GPR39: variants seen among roughly 807,000 people sequenced by gnomAD.
The protein encoded by GPR39 is zinc sensing receptor.
In GPR39, 23 loss-of-function variants were observed where a neutral mutation model predicts 18.4. The observed-to-expected ratio is 1.25, with a 90% CI of 0.90 to 1.77. The LOEUF (loss-of-function observed/expected upper bound fraction) is 1.77. Among genes scored for constraint, GPR39 ranks in the 40% most tolerant of loss-of-function variants. GPR39 has a pLI of 0.00. For synonymous variants in GPR39, 280 were observed against 257.9 expected (o/e 1.09, Z -0.82); for missense variants, 647 against 602.4 (o/e 1.07, Z -0.78).
rs1681438182 is a variant in GPR39 at position 132,490,599 on chromosome 2, T to G, written c.856+72701T>G. ...CTAGAGCATGCCGATCGCTGGTGAA[T>G]GCTACAAAGAACAAGCATTAAGTGA... On this transcript the variant is annotated intron_variant, in intron 1 of 1. Transcript: ENST00000329321. Among the ~76,000 whole-genome samples, 3 of 151,998 alleles carry G rather than the reference T, an allele frequency of 2.0e-5. No individual in the cohort carries two copies. The South Asian group carries it at 6.2e-4, about 31-fold the overall frequency.
At chr2:132,447,918 C>T (rs915986511) in intron 1 of GPR39, among the ~76,000 whole-genome samples, 3 of 152,102 alleles carry the variant, frequency 2.0e-5, no homozygotes. Context: ...AGGAAGAAAA[C>T]CACCTTGACA....
chr2:132,492,313 CAT>C (rs1291342497), intron 1 of GPR39, among the ~76,000 whole-genome samples: 2 of 134,018 alleles, frequency 1.5e-5, no homozygotes, highest in African/African-American at 2.9e-5. Context: ...ATATATATAC[CAT>C]ATATATACAT....
chr2:132,516,979 A>G (rs1371343914), intron 1 of GPR39, among the ~76,000 whole-genome samples: 3 of 152,258 alleles, frequency 2.0e-5, no homozygotes, highest in Admixed American at 6.5e-5. Context: ...TAATAGCAAA[A>G]GATTAAAAAT....
chr2:132,494,992 TA>T (rs1040750530), intron 1 of GPR39, among the ~76,000 whole-genome samples: 1 of 152,072 alleles, frequency 6.6e-6, no homozygotes, highest in Admixed American at 6.5e-5. Flanking sequence ...CCTGAGGGGA[TA>T]GGGGAAGTGG....
chr2:132,543,665 T>C (rs1017241544), intron 1 of GPR39, among the ~76,000 whole-genome samples: 1 of 152,150 alleles, frequency 6.6e-6, no homozygotes, highest in Non-Finnish European at 1.5e-5. Context: ...GCCACATTAG[T>C]ATTATCATAA....
chr2:132,538,936 C>T (rs3109128), intron 1 of GPR39, among the ~76,000 whole-genome samples: 53,515 of 151,932 alleles, frequency 0.35, 10,205 homozygotes, highest in African/African-American at 0.5. Context: ...CATCCCAGTC[C>T]GACTCCAGAC....
At chr2:132,453,786 G>T (rs1251605576) in intron 1 of GPR39, among the ~76,000 whole-genome samples, 1 of 152,158 alleles carries the variant, frequency 6.6e-6, no homozygotes, top group Non-Finnish European at 1.5e-5. Flanking sequence ...AGATCAGATG[G>T]TTGTAGATAT....
chr2:132,561,749 T>G (rs1680257412), intron 1 of GPR39, among the ~76,000 whole-genome samples: 1 of 152,006 alleles, frequency 6.6e-6, no homozygotes, highest in Non-Finnish European at 1.5e-5. Flanking sequence ...AAGCTGACGG[T>G]ATAAGTTCCA....
intron 1 of GPR39, among the ~76,000 whole-genome samples, chr2:132,557,189 G>GCAC (rs1680168731): frequency 6.6e-6 from 1 of 152,024 alleles, no homozygotes; most frequent in Non-Finnish European, 1.5e-5. Context: ...CATATTGGTG[G>GCAC]GCACCTGTAA....
chr2:132,572,631 T>A (rs1367416234), intron 1 of GPR39, among the ~76,000 whole-genome samples: 1 of 152,038 alleles, frequency 6.6e-6, no homozygotes, highest in Non-Finnish European at 1.5e-5. Context: ...GGTTCACATA[T>A]GGCTGAATCC....
rs760997862 is a variant in GPR39, at chr2:132,646,546, G to A, written c.*940G>A. The A allele has an allele frequency of 2.8e-6, 1 of 355,590 alleles. No individual in the cohort carries two copies. The highest frequency in any genetic ancestry group is 5.0e-6 in the Non-Finnish European group (1 of 199,778). 22.0% of individuals were successfully genotyped at this position (355,590 alleles called of 1,614,324 possible). ...TGTGAATACCTGTTAATAAAGAGCT[G>A]TTAAATAGACTTATTTACATTTTAA... is the stretch of plus-strand genomic sequence containing the variant. On this transcript the variant is annotated 3_prime_UTR_variant, in exon 2 of 2. Coordinates refer to ENST00000329321, the MANE Select transcript of GPR39 (RefSeq NM_001508.3).
At chr2:132,602,746 TA>T (rs796499898) in intron 1 of GPR39, among the ~76,000 whole-genome samples, 4 of 146,900 alleles carry the variant, frequency 2.7e-5, no homozygotes, top group Admixed American at 6.9e-5. Flanking sequence ...GACATTTCTC[TA>T]AAAAAAAAGA....
At chr2:132,534,996 TA>T (rs35751795) in intron 1 of GPR39, among the ~76,000 whole-genome samples, 5,927 of 149,880 alleles carry the variant, frequency 0.04, 404 homozygotes, top group African/African-American at 0.14. Context: ...TAATAATAAT[TA>T]AAAAAAAAAC....
intron 1 of GPR39, among the ~76,000 whole-genome samples, chr2:132,607,636 G>T (rs1197708696): frequency 6.6e-6 from 1 of 152,144 alleles, no homozygotes; most frequent in East Asian, 1.9e-4. Context: ...CTCATCCAAA[G>T]GAGATAACAG....
At chr2:132,471,828 C>T (rs528016059) in intron 1 of GPR39, among the ~76,000 whole-genome samples, 7 of 152,234 alleles carry the variant, frequency 4.6e-5, no homozygotes, top group South Asian at 4.1e-4. Context: ...ACAATGTTTT[C>T]GGTTAACTTT....
chr2:132,463,327 C>T (rs1680866576), intron 1 of GPR39, among the ~76,000 whole-genome samples: 1 of 149,330 alleles, frequency 6.7e-6, no homozygotes, highest in South Asian at 2.1e-4. Flanking sequence ...TCTGGTATTA[C>T]AGGGGTGGTG....
At chr2:132,517,618 T>A (rs1573642205) in intron 1 of GPR39, among the ~76,000 whole-genome samples, 1 of 152,200 alleles carries the variant, frequency 6.6e-6, no homozygotes, top group Non-Finnish European at 1.5e-5. Flanking sequence ...AGGAACTGCT[T>A]AGATATGGTT....
intron 1 of GPR39, among the ~76,000 whole-genome samples, chr2:132,481,492 A>T (rs1361382880): frequency 6.6e-6 from 1 of 152,232 alleles, no homozygotes; most frequent in Non-Finnish European, 1.5e-5. Flanking sequence ...TTCAAAGGCC[A>T]GGATCTGGGA....
chr2:132,643,995 T>TAA (rs552020849), intron 1 of GPR39, among the ~76,000 whole-genome samples: 127 of 152,348 alleles, frequency 8.3e-4, no homozygotes, highest in Non-Finnish European at 1.6e-3. Context: ...AATCCTGCTT[T>TAA]AAGGTAGCAG....
Sources: gnomAD v4.1 joint callset for allele counts (sites outside exome capture counted in the v4.1 genomes callset) on GRCh38, gnomAD v4.1.1 for gene constraint, MANE v1.5 for transcripts, NCBI Gene and HGNC (gene_info 2026-07-23, HGNC 2026-07-21) for gene names.